Variants in CSMD3 observed in about 807,000 individuals in gnomAD.
CSMD3 encodes CUB and Sushi multiple domains 3, also known as CUB and sushi domain-containing protein 3.
CSMD3 carries 177 observed loss-of-function variants against 435.2 expected under a neutral mutation model. The observed-to-expected ratio is 0.41, with a 90% CI of 0.36 to 0.46. The LOEUF is 0.46. CSMD3 is among the 20% of genes least tolerant of loss of function. CSMD3 has a pLI of 0.34. For synonymous variants in CSMD3, 1,656 were observed against 1,520.5 expected (o/e 1.09, Z -2.07); for missense variants, 4,265 against 4,504.6 (o/e 0.95, Z 1.52).
intron 35 of CSMD3, among the ~76,000 whole-genome samples, chr8:112,402,844 A>G (rs564069419): frequency 6.6e-6 from 1 of 152,334 alleles, no homozygotes; most frequent in African/African-American, 2.4e-5. Flanking sequence ...TTTCACAGAC[A>G]TATAGAAACA....
chr8:113,126,460 TAAAC>T (rs1382887850), intron 4 of CSMD3, among the ~76,000 whole-genome samples: 1 of 152,010 alleles, frequency 6.6e-6, no homozygotes, highest in Non-Finnish European at 1.5e-5. Flanking sequence ...TATCTATATT[TAAAC>T]AAATAATATA....
intron 22 of CSMD3, among the ~76,000 whole-genome samples, chr8:112,607,114 A>C (rs1832859464): frequency 6.6e-6 from 1 of 151,662 alleles, no homozygotes; most frequent in South Asian, 2.1e-4. Flanking sequence ...TGAAAAAATA[A>C]GCCAAATTTG....
In CSMD3 at chr8:112,845,538, C is replaced by T. The variant is rs144702419; in HGVS notation, c.1755+13607G>A. ...CAGGGTCCTAGAAGTGCTTTGGGGGCTAAATAGAGTGTTGAAGTATGAGTC... is the reference window on the plus strand; with the variant it reads ...CAGGGTCCTAGAAGTGCTTTGGGGGTTAAATAGAGTGTTGAAGTATGAGTC... On this transcript the variant is annotated intron_variant, in intron 11 of 70. Coordinates refer to ENST00000297405, the MANE Select transcript of CSMD3 (RefSeq NM_198123.2). Among the ~76,000 whole-genome samples, 115 of 152,126 alleles carry T rather than the reference C, an allele frequency of 7.6e-4. 1 individual carries two copies. Among genetic ancestry groups the T allele is most frequent in the African/African-American group, 2.6e-3 (108 of 41,528 alleles).
intron 32 of CSMD3, among the ~76,000 whole-genome samples, chr8:112,450,313 G>T (rs16883610): frequency 0.017 from 2,663 of 152,216 alleles, 80 homozygotes; most frequent in African/African-American, 0.061. Context: ...ACAACTAATT[G>T]CATTTTCTTA....
At chr8:113,415,754 G>A (rs901509452) in intron 1 of CSMD3, among the ~76,000 whole-genome samples, 7 of 152,020 alleles carry the variant, frequency 4.6e-5, no homozygotes, top group African/African-American at 1.4e-4. Flanking sequence ...TTCACTTTGG[G>A]TAGGGTTGTC....
intron 55 of CSMD3, 38 bp downstream of exon 55, chr8:112,292,499 T>C: frequency 6.2e-7 from 1 of 1,600,166 alleles, no homozygotes; most frequent in Middle Eastern, 1.7e-4. Context: ...TGAATATTAT[T>C]ATCATGCCAC....
At chr8:112,300,132 A>C (rs1223141381) in intron 53 of CSMD3, among the ~76,000 whole-genome samples, 2 of 147,544 alleles carry the variant, frequency 1.4e-5, no homozygotes, top group East Asian at 3.9e-4. Flanking sequence ...TAATATTTTA[A>C]TATATATTTA....
chr8:112,776,715 A>T (rs937484793), intron 13 of CSMD3, among the ~76,000 whole-genome samples: 1 of 151,780 alleles, frequency 6.6e-6, no homozygotes, highest in African/African-American at 2.4e-5. Context: ...ATTTGAATTA[A>T]TTTTTAAAAT....
chr8:112,368,393 A>G (rs1827995796), intron 38 of CSMD3, among the ~76,000 whole-genome samples: 1 of 152,196 alleles, frequency 6.6e-6, no homozygotes, highest in Admixed American at 6.5e-5. Context: ...CTGGGTTGGT[A>G]GCCTTGTCAT....
At chr8:112,261,636 C>T (rs568141057) in intron 61 of CSMD3, among the ~76,000 whole-genome samples, 3 of 151,868 alleles carry the variant, frequency 2.0e-5, no homozygotes, top group Admixed American at 1.3e-4. Flanking sequence ...CATGTCTCCT[C>T]GTGCACATAT....
intron 32 of CSMD3, among the ~76,000 whole-genome samples, chr8:112,428,316 C>T (rs1284833246): frequency 6.6e-6 from 1 of 151,912 alleles, no homozygotes. Context: ...AATATATTCT[C>T]AAAACAGAGA....
intron 3 of CSMD3, among the ~76,000 whole-genome samples, chr8:113,186,559 G>C (rs2092505363): frequency 6.6e-6 from 1 of 151,944 alleles, no homozygotes. Context: ...CACAGTTCCA[G>C]GATCAGCTCT....
At chr8:112,619,366 A>T (rs1278923635) in intron 22 of CSMD3, among the ~76,000 whole-genome samples, 2 of 151,886 alleles carry the variant, frequency 1.3e-5, no homozygotes, top group Non-Finnish European at 2.9e-5. Flanking sequence ...CTCCAGGTTT[A>T]TTATCACCCT....
chr8:112,690,519 T>A (rs1720817480), intron 13 of CSMD3, among the ~76,000 whole-genome samples: 1 of 151,576 alleles, frequency 6.6e-6, no homozygotes, highest in African/African-American at 2.4e-5. Context: ...CAGAAATCAA[T>A]GAATACCTCT....
intron 31 of CSMD3, among the ~76,000 whole-genome samples, chr8:112,481,424 G>C (rs1288818342): frequency 1.3e-5 from 2 of 152,024 alleles, no homozygotes; most frequent in Non-Finnish European, 2.9e-5. Flanking sequence ...AATATACTCT[G>C]TAATGAAAAT....
chr8:112,949,133 G>T (rs2083718420), intron 8 of CSMD3, among the ~76,000 whole-genome samples: 1 of 151,936 alleles, frequency 6.6e-6, no homozygotes, highest in African/African-American at 2.4e-5. Context: ...AGAACCACTG[G>T]ACTGCTGAAT....
At chr8:112,830,186 T>C (rs1032611747) in intron 11 of CSMD3, among the ~76,000 whole-genome samples, 1 of 152,184 alleles carries the variant, frequency 6.6e-6, no homozygotes, top group African/African-American at 2.4e-5. Flanking sequence ...CATATTTGCA[T>C]ATATATTTTA....
chr8:112,555,710 T>A (rs1005487950), intron 25 of CSMD3, among the ~76,000 whole-genome samples: 1 of 151,996 alleles, frequency 6.6e-6, no homozygotes, highest in African/African-American at 2.4e-5. Context: ...GCAAGGCCTA[T>A]AATAACTAGA....
intron 45 of CSMD3, among the ~76,000 whole-genome samples, chr8:112,329,289 C>T (rs191293730): frequency 5.9e-5 from 9 of 152,108 alleles, no homozygotes; most frequent in African/African-American, 1.4e-4. Flanking sequence ...TTGAAACAAG[C>T]GAGAAATAAG....
Sources: gnomAD v4.1 joint callset for allele counts (sites outside exome capture counted in the v4.1 genomes callset) on GRCh38, gnomAD v4.1.1 for gene constraint, MANE v1.5 for transcripts, NCBI Gene and HGNC (gene_info 2026-07-23, HGNC 2026-07-21) for gene names.